Variants in GPC6 observed in about 807,000 individuals in gnomAD.
The protein encoded by GPC6 is glypican-6.
GPC6 carries 14 observed loss-of-function variants against 55.2 expected under a neutral mutation model. The ratio of observed to expected loss-of-function variants is 0.25; its 90% CI spans 0.17 to 0.40. The LOEUF is 0.40. GPC6 is among the 10% of genes least tolerant of loss of function. GPC6 has a pLI of 1.00. For missense variants in GPC6, 641 were observed against 708.5 expected (o/e 0.90, Z 1.08); for synonymous variants, 278 against 259.6 (o/e 1.07, Z -0.68).
intron 4 of GPC6, among the ~76,000 whole-genome samples, chr13:94,158,680 A>G (rs1003717190): frequency 3.9e-5 from 6 of 152,110 alleles, no homozygotes; most frequent in South Asian, 2.1e-4. Context: ...GAGGGAGTGA[A>G]GATAAACTCT....
chr13:93,686,664 T>C (rs377164426), intron 2 of GPC6, among the ~76,000 whole-genome samples: 1 of 152,322 alleles, frequency 6.6e-6, no homozygotes, highest in South Asian at 2.1e-4. Context: ...TGAATCATTC[T>C]TTTTAAGGAA....
intron 4 of GPC6, among the ~76,000 whole-genome samples, chr13:94,086,935 G>A (rs1885304846): frequency 6.6e-6 from 1 of 152,170 alleles, no homozygotes; most frequent in African/African-American, 2.4e-5. Flanking sequence ...AGTAAAACTG[G>A]TAGTTGCCTT....
chr13:94,051,555 C>T (rs981934260), intron 4 of GPC6, among the ~76,000 whole-genome samples: 2 of 151,964 alleles, frequency 1.3e-5, no homozygotes, highest in South Asian at 2.1e-4. Context: ...TTCCAAATTC[C>T]GTATTGCTGG....
chr13:93,902,713 T>G (rs947082982), intron 3 of GPC6, among the ~76,000 whole-genome samples: 1 of 152,230 alleles, frequency 6.6e-6, no homozygotes, highest in African/African-American at 2.4e-5. Context: ...ACTTGTTAAT[T>G]TTGTCTTTTT....
At chr13:93,348,192 A>G (rs1475059895) in intron 1 of GPC6, among the ~76,000 whole-genome samples, 1 of 152,194 alleles carries the variant, frequency 6.6e-6, no homozygotes, top group Non-Finnish European at 1.5e-5. Context: ...TTCAGCATGT[A>G]GGTACTAATT....
chr13:93,435,225 CT>C (rs1877523491), intron 1 of GPC6, among the ~76,000 whole-genome samples: 1 of 152,082 alleles, frequency 6.6e-6, no homozygotes, highest in South Asian at 2.1e-4. Context: ...AGTGATCCTC[CT>C]GCCTCAGCCT....
intron 2 of GPC6, among the ~76,000 whole-genome samples, chr13:93,572,849 A>G (rs1258643033): frequency 6.6e-6 from 1 of 152,024 alleles, no homozygotes; most frequent in African/African-American, 2.4e-5. Context: ...TTTTTCTTTC[A>G]TGTTAAATTC....
At chr13:93,738,949 A>G (rs1011545692) in intron 2 of GPC6, among the ~76,000 whole-genome samples, 4 of 137,322 alleles carry the variant, frequency 2.9e-5, no homozygotes, top group Non-Finnish European at 6.2e-5. Flanking sequence ...ACACACACAC[A>G]CACACACACA....
chr13:93,768,992 A>G (rs1310364289), intron 2 of GPC6, among the ~76,000 whole-genome samples: 1 of 152,142 alleles, frequency 6.6e-6, no homozygotes, highest in African/African-American at 2.4e-5. Flanking sequence ...GTGGCTAGCT[A>G]AAATTGGTAT....
At chr13:93,680,489 A>G (rs999591000) in intron 2 of GPC6, among the ~76,000 whole-genome samples, 3 of 152,184 alleles carry the variant, frequency 2.0e-5, no homozygotes, top group African/African-American at 2.4e-5. Flanking sequence ...AAAGCCTGGT[A>G]TATAGGTTTA....
intron 1 of GPC6, among the ~76,000 whole-genome samples, chr13:93,449,519 C>A (rs563914096): frequency 7.9e-5 from 12 of 152,290 alleles, no homozygotes; most frequent in African/African-American, 2.6e-4. Context: ...TTTATTAACA[C>A]CCTCTTTAAA....
At chr13:93,837,373 T>C (rs1046345063) in intron 3 of GPC6, among the ~76,000 whole-genome samples, 4 of 152,200 alleles carry the variant, frequency 2.6e-5, no homozygotes, top group Non-Finnish European at 4.4e-5. Flanking sequence ...GGAACCACAG[T>C]CCTAATAACT....
chr13:93,909,966 A>G (rs1876877597), intron 3 of GPC6, among the ~76,000 whole-genome samples: 1 of 152,004 alleles, frequency 6.6e-6, no homozygotes, highest in African/African-American at 2.4e-5. Flanking sequence ...GGGCCAGGGT[A>G]CAGTAGCTTT....
At chr13:93,276,491 AGAGAGTGTGTGTGTGTGTGT>A (rs1293416907) in intron 1 of GPC6, among the ~76,000 whole-genome samples, 4 of 128,628 alleles carry the variant, frequency 3.1e-5, no homozygotes, top group African/African-American at 1.2e-4. Flanking sequence ...AGAGAGAGAG[AGAGAGTGTGTGTGTGTGTGT>A]GTGTGTGTGT....
At chr13:93,931,912 TTGAG>T (rs1878199195) in intron 3 of GPC6, among the ~76,000 whole-genome samples, 1 of 152,176 alleles carries the variant, frequency 6.6e-6, no homozygotes, top group Admixed American at 6.5e-5. Flanking sequence ...CTTAAAGTAG[TTGAG>T]TAAGTTGCTG....
chr13:93,387,159 A>G (rs1875439464), intron 1 of GPC6, among the ~76,000 whole-genome samples: 1 of 146,066 alleles, frequency 6.8e-6, no homozygotes, highest in Non-Finnish European at 1.5e-5. Context: ...TCCTAATTCC[A>G]ATTTTTATTT....
At chr13:94,308,075 T>G (rs1249278409) in intron 6 of GPC6, among the ~76,000 whole-genome samples, 1 of 152,190 alleles carries the variant, frequency 6.6e-6, no homozygotes, top group Non-Finnish European at 1.5e-5. Context: ...TTAAAAGAAC[T>G]GGGTACATTT....
chr13:94,151,679 C>A (rs928136196), intron 4 of GPC6, among the ~76,000 whole-genome samples: 1 of 152,070 alleles, frequency 6.6e-6, no homozygotes, highest in East Asian at 1.9e-4. Flanking sequence ...TGTCTTTATC[C>A]GAGGCAATGG....
chr13:94,215,420 A>G (rs1246694243), intron 4 of GPC6, among the ~76,000 whole-genome samples: 2 of 152,136 alleles, frequency 1.3e-5, no homozygotes, highest in Non-Finnish European at 2.9e-5. Flanking sequence ...TCATTTCCTT[A>G]TGTATAATTT....
Sources: gnomAD v4.1 joint callset for allele counts (sites outside exome capture counted in the v4.1 genomes callset) on GRCh38, gnomAD v4.1.1 for gene constraint, MANE v1.5 for transcripts, NCBI Gene and HGNC (gene_info 2026-07-23, HGNC 2026-07-21) for gene names.